ZBTB10: variants seen among roughly 807,000 people sequenced by gnomAD.
The protein encoded by ZBTB10 is zinc finger and BTB domain-containing protein 10.
In ZBTB10, 32 loss-of-function variants were observed where a neutral mutation model predicts 76.4. The ratio of observed to expected loss-of-function variants is 0.42; its 90% CI spans 0.32 to 0.56. The LOEUF is 0.56. Ranked by LOEUF, ZBTB10 falls within the 20% of genes least tolerant of loss-of-function variation. The pLI is 0.14. For missense variants in ZBTB10, 1,057 were observed against 1,098.5 expected (o/e 0.96, Z 0.53); for synonymous variants, 523 against 432.9 (o/e 1.21, Z -2.58).
chr8:80,514,111 T>A, intron 3 of ZBTB10, 103 bp downstream of exon 3: 1 of 968,250 alleles, frequency 1.0e-6, no homozygotes, highest in Non-Finnish European at 1.6e-6. Context: ...GGTTCTATTG[T>A]ATATAACTAC....
chr8:80,485,930 C>T, upstream of ZBTB10: 3 of 1,513,628 alleles, frequency 2.0e-6, no homozygotes, highest in Non-Finnish European at 2.7e-6. Flanking sequence ...CACTCGCCAG[C>T]TGTTTGTCCT....
chr8:80,493,420 G>T (rs1381314251), intron 1 of ZBTB10, among the ~76,000 whole-genome samples: 1 of 152,156 alleles, frequency 6.6e-6, no homozygotes, highest in African/African-American at 2.4e-5. Flanking sequence ...TTAAGCAGGG[G>T]AGAATCATTA....
chr8:80,519,889 G>T lies in ZBTB10; in HGVS notation c.*361G>T. 5.9e-6 allele frequency: 1 copy of T among 168,200 alleles called. No individual in the cohort carries two copies. The highest frequency in any genetic ancestry group is 1.3e-5 in the Non-Finnish European group (1 of 76,284). 10.4% of individuals were successfully genotyped at this position (168,200 alleles called of 1,614,324 possible). A position where few individuals can be genotyped will look rare whatever the true frequency, so the allele number is the denominator to read the frequency against. ...CATGAATGGAGAAAATCCGTTTATG[G>T]AAGTACAGTGACAATTGACCCAATC... On this transcript the variant is annotated 3_prime_UTR_variant, in exon 6 of 6. Coordinates refer to ENST00000455036, the MANE Select transcript of ZBTB10 (RefSeq NM_001105539.3).
chr8:80,519,400 C>T lies in ZBTB10; in HGVS notation c.2488C>T (p.Arg830Trp). 6 of 1,582,386 alleles carry T rather than the reference C, an allele frequency of 3.8e-6. No individual in the cohort carries two copies. The highest frequency in any genetic ancestry group is 5.2e-6 in the Non-Finnish European group (6 of 1,164,756). Residue 830 changes from arginine to tryptophan, a missense_variant, in exon 6 of 6, where the codon CGG becomes TGG. Transcript: ENST00000455036. ...TCAGGGACAGGATACAGAATTCCCT[C>T]GGGATGAAGAATACGAGGAGAATGA... ...VDQGQDTEFP[R>W]DEEYEENEVG...
Position 80,507,039 on chromosome 8 carries a change from G to A in ZBTB10, c.1861+6657G>A, listed in dbSNP as rs1816074741. 7.2e-5 allele frequency among the ~76,000 whole-genome samples: 11 copies of A among 152,324 alleles called. No homozygotes were observed. The South Asian group carries it at 2.3e-3, about 32-fold the overall frequency. ...AGATCTCCCTCTGAGGCCGGGTGCA[G>A]TGGCTCGCGCCTGTAATCCCAGCAC... On this transcript the variant is annotated intron_variant, in intron 2 of 5. Transcript: ENST00000455036.
intron 2 of ZBTB10, among the ~76,000 whole-genome samples, chr8:80,508,570 A>G (rs1306117278): frequency 2.0e-5 from 3 of 152,224 alleles, no homozygotes; most frequent in Non-Finnish European, 4.4e-5. Flanking sequence ...TAGATTATTT[A>G]AGATGCATGA....
intron 2 of ZBTB10, 78 bp from the exon 3 acceptor site, chr8:80,513,832 A>G: frequency 9.0e-7 from 1 of 1,110,398 alleles, no homozygotes; most frequent in East Asian, 2.5e-5. Context: ...TTTAAGAAAC[A>G]GTTCCAAGAA....
At chr8:80,500,952 C>T (rs868236893) in intron 2 of ZBTB10, among the ~76,000 whole-genome samples, 1 of 152,078 alleles carries the variant, frequency 6.6e-6, no homozygotes, top group Non-Finnish European at 1.5e-5. Context: ...CTGCAAACTC[C>T]GCCTCCCAGG....
At chr8:80,504,856 A>C (rs1423870581) in intron 2 of ZBTB10, among the ~76,000 whole-genome samples, 1 of 152,252 alleles carries the variant, frequency 6.6e-6, no homozygotes, top group Non-Finnish European at 1.5e-5. Flanking sequence ...ATTGAATTAC[A>C]GAAGTACAGA....
chr8:80,500,452 AT>A (rs1261508133), intron 2 of ZBTB10, 70 bp downstream of exon 2: 7 of 1,359,722 alleles, frequency 5.1e-6, no homozygotes, highest in Non-Finnish European at 6.8e-6. Flanking sequence ...CTTGAAGTAT[AT>A]TTTTAATTGA....
chr8:80,518,723 G>GA, intron 4 of ZBTB10, 59 bp from the exon 5 acceptor site: 1 of 1,514,540 alleles, frequency 6.6e-7, no homozygotes, highest in Non-Finnish European at 8.8e-7. Flanking sequence ...AAGAAGTTTT[G>GA]ATAGCAAGTT....
chr8:80,523,396 T>C lies in ZBTB10; in HGVS notation c.*3868T>C, dbSNP rs1816488279. The C allele has an allele frequency of 2.6e-5, 4 of 151,980 alleles. No homozygotes were observed. The highest frequency in any genetic ancestry group is 9.7e-5 in the African/African-American group (4 of 41,424). The allele number at this position is 151,980 out of a possible 1,614,324, so 9.4% of individuals were successfully genotyped here. A position where few individuals can be genotyped will look rare whatever the true frequency, so the allele number is the denominator to read the frequency against. On this transcript the variant is annotated 3_prime_UTR_variant, in exon 6 of 6. Transcript: ENST00000455036. Reference sequence around the variant, plus strand: ...TACTCTTTCTTCATAAAGCAGTTGTTTTGTCACTTTGACTATATTAAGACA... The same window carrying C: ...TACTCTTTCTTCATAAAGCAGTTGTCTTGTCACTTTGACTATATTAAGACA...
chr8:80,517,870 C>A (rs904142270), intron 3 of ZBTB10, among the ~76,000 whole-genome samples: 4 of 106,118 alleles, frequency 3.8e-5, no homozygotes, highest in African/African-American at 2.3e-4. Flanking sequence ...CCGCCCGCCA[C>A]CTTTTTTTTT....
chr8:80,501,932 C>T (rs1362456982), intron 2 of ZBTB10, among the ~76,000 whole-genome samples: 1 of 152,150 alleles, frequency 6.6e-6, no homozygotes, highest in East Asian at 1.9e-4. Context: ...TTCTGTTTAA[C>T]AGTATGGTGG....
intron 2 of ZBTB10, among the ~76,000 whole-genome samples, chr8:80,507,699 C>T (rs1054705044): frequency 2.6e-5 from 4 of 152,154 alleles, no homozygotes; most frequent in African/African-American, 4.8e-5. Flanking sequence ...TCAAGTGATC[C>T]TCCTGCCTCA....
rs1443570364 is a variant in ZBTB10, at chr8:80,487,139, C to T, written c.329C>T (p.Ala110Val). The change falls in exon 1 of 6, where the codon GCG becomes GTG. Residue 110 changes from alanine to valine, a missense_variant. Ala to Val is a moderately conservative substitution (Grantham distance 64). This residue lies in a region of ZBTB10 where 556 missense variants were observed against 451.7 expected (regional missense o/e 1.23). Coordinates refer to ENST00000455036, the MANE Select transcript of ZBTB10 (RefSeq NM_001105539.3). ...AGGPTSLGGG[A>V]GGPLLAERNR... is the part of the protein sequence containing the mutation. ...GGCCCCACCTCGCTTGGCGGTGGCGCGGGGGGCCCCCTGCTAGCGGAAAGG... is the reference window on the plus strand; with the variant it reads ...GGCCCCACCTCGCTTGGCGGTGGCGTGGGGGGCCCCCTGCTAGCGGAAAGG... 6 of 1,485,834 alleles carry T rather than the reference C, an allele frequency of 4.0e-6. No homozygotes were observed. In the East Asian group the frequency reaches 8.3e-5, roughly 21 times the overall value. The allele number at this position is 1,485,834 out of a possible 1,614,324, so 92.0% of individuals were successfully genotyped here. A position where few individuals can be genotyped will look rare whatever the true frequency, so the allele number is the denominator to read the frequency against.
At position 80,520,892 on chromosome 8, in the gene ZBTB10, G is replaced by C. The variant is rs115624080; in HGVS notation, c.*1364G>C. On this transcript the variant is annotated 3_prime_UTR_variant, in exon 6 of 6. Transcript: ENST00000455036. Reference sequence around the variant, plus strand: ...TGTGGAACTCTCAGCAGCATTTCACGTATTGTTAACATGTATGGCATTTAT... The same window carrying C: ...TGTGGAACTCTCAGCAGCATTTCACCTATTGTTAACATGTATGGCATTTAT... 1 of 151,872 alleles carries C rather than the reference G, an allele frequency of 6.6e-6. No individual in the cohort carries two copies. 9.4% of individuals were successfully genotyped at this position (151,872 alleles called of 1,614,324 possible). A position where few individuals can be genotyped will look rare whatever the true frequency, so the allele number is the denominator to read the frequency against.
chr8:80,520,153 G>A lies in ZBTB10; in HGVS notation c.*625G>A, dbSNP rs1241797032. ...GATGGGCATGTTTATAAGAACTGGA[G>A]AGGTAATTTATTGGAATGAACTAAC... On this transcript the variant is annotated 3_prime_UTR_variant, in exon 6 of 6. Coordinates refer to ENST00000455036, the MANE Select transcript of ZBTB10 (RefSeq NM_001105539.3). 3.9e-5 allele frequency: 6 copies of A among 152,416 alleles called. No homozygotes were observed. The highest frequency in any genetic ancestry group is 2.9e-5 in the Non-Finnish European group (2 of 67,982). The allele number at this position is 152,416 out of a possible 1,614,324, so 9.4% of individuals were successfully genotyped here. A position where few individuals can be genotyped will look rare whatever the true frequency, so the allele number is the denominator to read the frequency against.
intron 1 of ZBTB10, among the ~76,000 whole-genome samples, chr8:80,489,846 T>A (rs1313319432): frequency 1.3e-5 from 2 of 152,232 alleles, no homozygotes; most frequent in East Asian, 3.8e-4. Flanking sequence ...AGGTTATATA[T>A]TGGTCTCCTT....
Sources: allele counts gnomAD v4.1 joint callset (sites outside exome capture counted in the v4.1 genomes callset), GRCh38; gene constraint gnomAD v4.1.1; regional missense constraint gnomAD v4.1.1; transcripts MANE v1.5; gene names NCBI Gene and HGNC (gene_info 2026-07-23, HGNC 2026-07-21).